COL10A1: variants seen among roughly 807,000 people sequenced by gnomAD.
COL10A1 encodes collagen alpha-1(X) chain.
In COL10A1, 10 loss-of-function variants were observed where a neutral mutation model predicts 18.2. The observed-to-expected ratio is 0.55, with a 90% CI of 0.34 to 0.93. The LOEUF is 0.93. Among genes scored for constraint, COL10A1 ranks in the 40% least tolerant of loss-of-function variants. The pLI, the probability that COL10A1 is intolerant of heterozygous loss-of-function variation, is 0.02. For synonymous variants in COL10A1, 330 were observed against 316.6 expected, an observed-to-expected ratio of 1.04 and a Z score of -0.45; for missense variants, 897 against 853.5, an observed-to-expected ratio of 1.05 and a Z score of -0.64.
chr6:116,147,408 C>T (rs933125442), intron 1 of COL10A1, among the ~76,000 whole-genome samples: 1 of 151,528 alleles, frequency 6.6e-6, no homozygotes, highest in Non-Finnish European at 1.5e-5. Context: ...TGCCATTGCA[C>T]TCCAACCTGG....
Position 116,119,902 on chromosome 6 carries a change from G to T in COL10A1, c.*171C>A. 1 of 649,828 alleles carries T rather than the reference G, an allele frequency of 1.5e-6. No individual in the cohort carries two copies. Among genetic ancestry groups the T allele is most frequent in the African/African-American group, 1.8e-5 (1 of 55,038 alleles). The allele number at this position is 649,828 out of a possible 1,614,324, so 40.3% of individuals were successfully genotyped here. A position where few individuals can be genotyped will look rare whatever the true frequency, so the allele number is the denominator to read the frequency against. ...AGAGAGGCTTCACATACGTTTTTAC[G>T]TTGCTGCTCACTTTTCAGGGGGAAG... On this transcript the variant is annotated 3_prime_UTR_variant, in exon 3 of 3. Transcript: ENST00000651968.
the COL10A1 span, among the ~76,000 whole-genome samples, chr6:116,213,182 TG>T: frequency 3.9e-5 from 6 of 152,136 alleles, no homozygotes; most frequent in Admixed American, 3.9e-4. Context: ...CTTCTAAACG[TG>T]GGGGTCTCTC....
upstream of COL10A1, among the ~76,000 whole-genome samples, chr6:116,126,460 T>C (rs181436389): frequency 4.6e-5 from 7 of 152,296 alleles, no homozygotes; most frequent in East Asian, 9.6e-4. Context: ...CACATTCTTA[T>C]GTTAATTGGT....
At position 116,120,392 on chromosome 6, in the gene COL10A1, A is replaced by G; in HGVS notation, c.1724T>C (p.Leu575Ser). ...GTCATAATGCTGTTGCCTGTTATAC[A>G]AAATTTTATCAAATGGTATGGGAGT... is the stretch of plus-strand genomic sequence containing the variant. Reference protein sequence around the residue: ...IGTPIPFDKILYNRQQHYDPR... With the variant: ...IGTPIPFDKISYNRQQHYDPR... The change falls in exon 3 of 3, where the codon TTG (leucine) becomes TCG (serine). Residue 575 changes from leucine to serine, a missense_variant. Physicochemically the swap from Leu to Ser is moderately radical, Grantham distance 145 (BLOSUM62 -2). Transcript: ENST00000651968. 1 of 1,614,270 alleles carries G rather than the reference A, an allele frequency of 6.2e-7. No individual in the cohort carries two copies. The highest frequency in any genetic ancestry group is 2.2e-5 in the East Asian group (1 of 44,892).
the COL10A1 span, among the ~76,000 whole-genome samples, chr6:116,167,816 G>A: frequency 6.6e-6 from 1 of 152,066 alleles, no homozygotes; most frequent in Non-Finnish European, 1.5e-5. Context: ...CTCAAATGAA[G>A]TGTAACATTA....
At chr6:116,185,946 ATTG>A in the COL10A1 span, among the ~76,000 whole-genome samples, 1 of 151,628 alleles carries the variant, frequency 6.6e-6, no homozygotes, top group Non-Finnish European at 1.5e-5. Context: ...TTTTCATTGT[ATTG>A]TTGTTTTATA....
rs142463796 is a variant in COL10A1, at chr6:116,121,734, C to T, written c.382G>A (p.Asp128Asn). The T allele has an allele frequency of 3.4e-3, 5,544 of 1,614,006 alleles. 134 individuals carry two copies. The South Asian group carries it at 0.041, about 12-fold the overall frequency. ...CCTGGTAGGCCAGCTGGTCCAACAT[C>T]TCCTTTTGGTCCATATGGTCCTCTC... ...GERGPYGPKG[D>N]VGPAGLPGPR... Residue 128 changes from aspartate to asparagine, a missense_variant, in exon 3 of 3, where the codon GAT becomes AAT. Physicochemically the swap from Asp to Asn is conservative, Grantham distance 23. Transcript: ENST00000651968.
At chr6:116,207,903 A>G in the COL10A1 span, among the ~76,000 whole-genome samples, 2 of 151,992 alleles carry the variant, frequency 1.3e-5, no homozygotes, top group African/African-American at 4.8e-5. Flanking sequence ...TTTGTTATTT[A>G]TATTGATTTG....
At chr6:116,125,797 T>G (rs112408044) in intron 1 of COL10A1, 6 of 256,846 alleles carry the variant, frequency 2.3e-5, no homozygotes, top group African/African-American at 6.9e-5. Flanking sequence ...TCTAGGATCT[T>G]TGACATAGCC....
At chr6:116,214,435 G>A in the COL10A1 span, among the ~76,000 whole-genome samples, 6 of 152,084 alleles carry the variant, frequency 3.9e-5, no homozygotes, top group Non-Finnish European at 8.8e-5. Context: ...ACTTCTAGCC[G>A]AAATAGTGAG....
chr6:116,155,673 G>A (rs1780171315), intron 1 of COL10A1, among the ~76,000 whole-genome samples: 1 of 148,638 alleles, frequency 6.7e-6, no homozygotes, highest in Non-Finnish European at 1.5e-5. Context: ...AAGATTAGAA[G>A]CAAGGCTGGT....
rs1221571838 is a variant in COL10A1, at chr6:116,121,225, G to A, written c.891C>T (p.Gly297=). ...GGCCTGGCAAGCCTGGTTTCCCAAA[G>A]CCAGGAGGCCCTGGGGGCCCAGCTA... The part of the protein sequence containing the change: ...PGIAGPPGPP[G]FGKPGLPGLK... Residue 297 remains glycine, a synonymous_variant, in exon 3 of 3, where the codon GGC becomes GGT. Transcript: ENST00000651968. The A allele has an allele frequency of 6.2e-7, 1 of 1,613,582 alleles. No individual in the cohort carries two copies. The highest frequency in any genetic ancestry group is 2.2e-5 in the East Asian group (1 of 44,838).
In COL10A1 at chr6:116,122,954, G is replaced by A. The variant is rs184900896; in HGVS notation, c.155-993C>T. ...AGAAAAATTTATGTAAAAGATTTCC[G>A]TATATTAAATATTTCATTGATTGTA... On this transcript the variant is annotated intron_variant, in intron 2 of 2. Transcript: ENST00000651968. Among the ~76,000 whole-genome samples the A allele has an allele frequency of 2.6e-3, 400 of 152,094 alleles. 10 individuals carry two copies. The South Asian group carries it at 0.044, about 17-fold the overall frequency.
the COL10A1 span, among the ~76,000 whole-genome samples, chr6:116,207,354 T>C: frequency 9.7e-6 from 1 of 103,456 alleles, no homozygotes; most frequent in Non-Finnish European, 1.9e-5. Context: ...ACTTAATGTA[T>C]TCTAAAGAGA....
At chr6:116,181,834 A>G in the COL10A1 span, among the ~76,000 whole-genome samples, 1 of 152,126 alleles carries the variant, frequency 6.6e-6, no homozygotes, top group South Asian at 2.1e-4. Flanking sequence ...CAAATTAATT[A>G]TATAAATTCA....
At position 116,121,818 on chromosome 6, in the gene COL10A1, G is replaced by C. The variant is rs1268464235; in HGVS notation, c.298C>G (p.Pro100Ala). 1 of 1,613,964 alleles carries C rather than the reference G, an allele frequency of 6.2e-7. No homozygotes were observed. Among genetic ancestry groups the C allele is most frequent in the Non-Finnish European group, 8.5e-7 (1 of 1,179,978 alleles). The change falls in exon 3 of 3, where the codon CCG (proline) becomes GCG (alanine). Residue 100 changes from proline to alanine, a missense_variant. Physicochemically the swap from Pro to Ala is conservative, Grantham distance 27 (BLOSUM62 -1). Transcript: ENST00000651968. ...GGTTTCCCTACAGCTGATGGTCCCG[G>C]TGGTCCTGGCAACCCTGGCTCTCCT... is the stretch of plus-strand genomic sequence containing the variant. ...LQGEPGLPGPPGPSAVGKPGV... is the reference protein window; with the variant it reads ...LQGEPGLPGPAGPSAVGKPGV...
chr6:116,171,812 A>C, the COL10A1 span, among the ~76,000 whole-genome samples: 3 of 152,220 alleles, frequency 2.0e-5, no homozygotes, highest in Non-Finnish European at 4.4e-5. Context: ...CCATTTGCAT[A>C]AATGTGCAAT....
At chr6:116,136,207 G>C (rs1204955931) in intron 1 of COL10A1, among the ~76,000 whole-genome samples, 4 of 151,902 alleles carry the variant, frequency 2.6e-5, no homozygotes, top group African/African-American at 9.7e-5. Context: ...TCTGTGTCTG[G>C]TGTATTTCAC....
intron 1 of COL10A1, among the ~76,000 whole-genome samples, chr6:116,132,673 T>A (rs1055568665): frequency 6.6e-6 from 1 of 152,188 alleles, no homozygotes; most frequent in Admixed American, 6.6e-5. Context: ...TGTGACAAGC[T>A]GTTGGCGAGA....
Sources: allele counts gnomAD v4.1 joint callset (sites outside exome capture counted in the v4.1 genomes callset), GRCh38; gene constraint gnomAD v4.1.1; transcripts MANE v1.5; gene names NCBI Gene and HGNC (gene_info 2026-07-23, HGNC 2026-07-21).